NKD1: variants seen among roughly 807,000 people sequenced by gnomAD.
NKD1 encodes NKD inhibitor of Wnt signaling pathway 1, also known as protein naked cuticle homolog 1.
Under a neutral mutation model 56.0 loss-of-function variants are expected in NKD1, and 21 were observed. The ratio of observed to expected loss-of-function variants is 0.38; its 90% confidence interval spans 0.27 to 0.54. The LOEUF is 0.54. Among genes scored for constraint, NKD1 ranks in the 20% least tolerant of loss-of-function variants. NKD1 has a pLI of 0.82. For missense variants in NKD1, 578 were observed against 642.7 expected, an observed-to-expected ratio of 0.90 and a Z score of 1.09; for synonymous variants, 263 against 265.7, an observed-to-expected ratio of 0.99 and a Z score of 0.10.
chr16:50,571,420 G>A (rs1232644487), intron 3 of NKD1: 8 of 915,032 alleles, frequency 8.7e-6, no homozygotes, highest in Non-Finnish European at 7.8e-6. Flanking sequence ...TAGGGACCTT[G>A]GGAGTTTCAA....
At chr16:50,569,005 C>T (rs541384503) in intron 3 of NKD1, among the ~76,000 whole-genome samples, 8 of 152,302 alleles carry the variant, frequency 5.3e-5, no homozygotes, top group East Asian at 1.9e-4. Context: ...CTTCTCTTCC[C>T]CACCTTCCCT....
At chr16:50,618,170 T>A (rs1299982246) in intron 4 of NKD1, among the ~76,000 whole-genome samples, 6 of 152,182 alleles carry the variant, frequency 3.9e-5, no homozygotes, top group Non-Finnish European at 7.3e-5. Context: ...CCTGCTTTCC[T>A]TTTTTCTTCC....
At chr16:50,606,634 T>C (rs1361001435) in intron 3 of NKD1, 4 of 389,122 alleles carry the variant, frequency 1.0e-5, no homozygotes, top group African/African-American at 2.1e-5. Context: ...GTCTGGAGTC[T>C]TTAAACTCTT....
rs772385993 is a variant in NKD1, at chr16:50,633,158, G to A, written c.824-34G>A. 1.3e-6 allele frequency: 2 copies of A among 1,564,810 alleles called. No homozygotes were observed. Among genetic ancestry groups the A allele is most frequent in the Non-Finnish European group, 1.7e-6 (2 of 1,151,052 alleles). On this transcript the variant is annotated intron_variant, in intron 9 of 9. Coordinates refer to ENST00000268459, the MANE Select transcript of NKD1 (RefSeq NM_033119.5). The surrounding 1 kb of genome is among the most constrained non-coding windows in gnomAD (Gnocchi z 4.9). ...TAGCGCAAGCCCCAGCACACAGTAG[G>A]TGCTCATTAAATGTCTGTTGAATTG...
At chr16:50,600,730 C>T (rs918905314) in intron 3 of NKD1, among the ~76,000 whole-genome samples, 2 of 152,082 alleles carry the variant, frequency 1.3e-5, no homozygotes, top group East Asian at 1.9e-4. Flanking sequence ...TTGGGCAACC[C>T]GTCTCTAGGG....
chr16:50,633,494 C>G lies in NKD1; in HGVS notation c.1126C>G (p.Pro376Ala). 6.2e-7 allele frequency: 1 copy of G among 1,610,390 alleles called. No homozygotes were observed. Among genetic ancestry groups the G allele is most frequent in the Non-Finnish European group, 8.5e-7 (1 of 1,178,622 alleles). Reference protein sequence around the residue: ...RNKPPLGPAIPAVSPSAHLAA... With the variant: ...RNKPPLGPAIAAVSPSAHLAA... Reference sequence around the variant, plus strand: ...CAAGCCCCCTCTGGGACCCGCCATCCCTGCGGTGTCCCCCTCCGCCCACCT... The same window carrying G: ...CAAGCCCCCTCTGGGACCCGCCATCGCTGCGGTGTCCCCCTCCGCCCACCT... The change falls in exon 10 of 10, where the codon CCT becomes GCT. Residue 376 changes from proline to alanine, a missense_variant. Physicochemically the swap from Pro to Ala is conservative, Grantham distance 27. Transcript: ENST00000268459. The surrounding 1 kb of genome is among the most constrained non-coding windows in gnomAD (Gnocchi z 4.9).
At position 50,635,197 on chromosome 16, in the gene NKD1, G is replaced by A. The variant is rs1183881027; in HGVS notation, c.*1416G>A. On this transcript the variant is annotated 3_prime_UTR_variant, in exon 10 of 10. Coordinates refer to ENST00000268459, the MANE Select transcript of NKD1 (RefSeq NM_033119.5). This position sits in a 1 kb window ranked among gnomAD's most constrained non-coding sequence, Gnocchi z 4.1. ...AGTGGGGAAGGAGTTATCTTTAGCA[G>A]ACAGAGGATTGCTGGAGGAGTGAGA... 1 of 152,368 alleles carries A rather than the reference G, an allele frequency of 6.6e-6. No individual in the cohort carries two copies. Among genetic ancestry groups the A allele is most frequent in the Non-Finnish European group, 1.5e-5 (1 of 68,146 alleles). 9.4% of individuals were successfully genotyped at this position (152,368 alleles called of 1,614,324 possible).
intron 6 of NKD1, among the ~76,000 whole-genome samples, chr16:50,628,219 GAT>G (rs1268844024): frequency 6.6e-6 from 1 of 152,228 alleles, no homozygotes; most frequent in Non-Finnish European, 1.5e-5. Flanking sequence ...TTTAACAGAA[GAT>G]CCTGGATTTC....
chr16:50,620,501 G>A (rs1962061930), intron 4 of NKD1, among the ~76,000 whole-genome samples: 1 of 152,214 alleles, frequency 6.6e-6, no homozygotes, highest in Admixed American at 6.5e-5. Flanking sequence ...GGGTCAGGGT[G>A]GAGGGGCCAG....
chr16:50,574,481 A>G (rs1960949474), intron 3 of NKD1: 1 of 985,118 alleles, frequency 1.0e-6, no homozygotes, highest in African/African-American at 1.8e-5. Context: ...TTGTTTTTGG[A>G]AACTCTCCAT....
At position 50,637,114 on chromosome 16, in the gene NKD1, A is replaced by C. The variant is rs1455507189; in HGVS notation, c.*3333A>C. The C allele has an allele frequency of 1.3e-5, 2 of 152,046 alleles. No homozygotes were observed. Among genetic ancestry groups the C allele is most frequent in the Non-Finnish European group, 2.9e-5 (2 of 68,020 alleles). The allele number at this position is 152,046 out of a possible 1,614,324, so 9.4% of individuals were successfully genotyped here. A position where few individuals can be genotyped will look rare whatever the true frequency, so the allele number is the denominator to read the frequency against. On this transcript the variant is annotated 3_prime_UTR_variant, in exon 10 of 10. Coordinates refer to ENST00000268459, the MANE Select transcript of NKD1 (RefSeq NM_033119.5). The stretch of plus-strand genomic sequence containing the variant: ...CTGGTGGTCATAAGGGTCATCTCTC[A>C]TCCCAGGCTCTGGCGAACACTGTGC...
chr16:50,619,534 C>T (rs1962039857), intron 4 of NKD1, among the ~76,000 whole-genome samples: 1 of 152,120 alleles, frequency 6.6e-6, no homozygotes, highest in African/African-American at 2.4e-5. Flanking sequence ...TAATATAATG[C>T]TTTTGTGTCC....
Position 50,632,409 on chromosome 16 carries a change from G to A in NKD1, c.823+1G>A. 1 of 1,614,144 alleles carries A rather than the reference G, an allele frequency of 6.2e-7. No homozygotes were observed. The highest frequency in any genetic ancestry group is 8.5e-7 in the Non-Finnish European group (1 of 1,179,982). ...AACTACACGTCCCAATTTGGGCCTG[G>A]TAAGGGACTCAAGCACCCTGCAATG... On this transcript the variant is annotated splice_donor_variant, in intron 9 of 9. Coordinates refer to ENST00000268459, the MANE Select transcript of NKD1 (RefSeq NM_033119.5). LOFTEE classifies it high-confidence loss of function. The surrounding 1 kb of genome is among the most constrained non-coding windows in gnomAD (Gnocchi z 4.1).
rs1313255932 is a variant in NKD1 at position 50,598,256 on chromosome 16, T to TGCGCGCGC, written c.193-10037_193-10036insCGCGCGCG. Among the ~76,000 whole-genome samples the TGCGCGCGC allele has an allele frequency of 2.1e-5, 3 of 144,100 alleles. No homozygotes were observed. Among genetic ancestry groups the TGCGCGCGC allele is most frequent in the African/African-American group, 8.1e-5 (3 of 37,186 alleles). The allele number at this position is 144,100 out of a possible 152,430, so 94.5% of individuals were successfully genotyped here. On this transcript the variant is annotated intron_variant, in intron 3 of 9. Transcript: ENST00000268459. This position sits in a 1 kb window ranked among gnomAD's most constrained non-coding sequence, Gnocchi z 4.2. Reference sequence around the variant, plus strand: ...GTGTGTGTGTGTGTGTGTGTGTGTGTGTGTGTGCGCGCACACCTGTGCTCA... The same window carrying TGCGCGCGC: ...GTGTGTGTGTGTGTGTGTGTGTGTGTGCGCGCGCGTGTGTGCGCGCACACCTGTGCTCA...
At position 50,636,489 on chromosome 16, in the gene NKD1, TGCCGACTTTCTGGGTGTG is replaced by T. The variant is rs1962470551; in HGVS notation, c.*2712_*2729del. 6.6e-6 allele frequency: 1 copy of T among 152,266 alleles called. No homozygotes were observed. The highest frequency in any genetic ancestry group is 6.5e-5 in the Admixed American group (1 of 15,290). The allele number at this position is 152,266 out of a possible 1,614,324, so 9.4% of individuals were successfully genotyped here. On this transcript the variant is annotated 3_prime_UTR_variant, in exon 10 of 10. Coordinates refer to ENST00000268459, the MANE Select transcript of NKD1 (RefSeq NM_033119.5). Reference sequence around the variant, plus strand: ...ATCCCAGGCCTGCCAGCATCCCTGATGCCGACTTTCTGGGTGTGGCCTAGGGCCCCTCAGTGTAATGTA... The same window carrying T: ...ATCCCAGGCCTGCCAGCATCCCTGATGCCTAGGGCCCCTCAGTGTAATGTA...
chr16:50,629,369 T>A (rs1962293288), intron 6 of NKD1, among the ~76,000 whole-genome samples: 1 of 152,228 alleles, frequency 6.6e-6, no homozygotes, highest in Admixed American at 6.5e-5. Context: ...GGGTTAGGGC[T>A]TCAACCTGTG....
chr16:50,625,123 GGCTCCCAAATTGCC>G (rs1390374351), intron 5 of NKD1: 19 of 320,446 alleles, frequency 5.9e-5, no homozygotes, highest in Non-Finnish European at 6.0e-6. Context: ...ATCCTCCTGG[GGCTCCCAAATTGCC>G]GCTCCTTTGC....
At chr16:50,604,064 A>G (rs1312571768) in intron 3 of NKD1, among the ~76,000 whole-genome samples, 3 of 152,208 alleles carry the variant, frequency 2.0e-5, no homozygotes, top group Admixed American at 2.0e-4. Flanking sequence ...ACTGTCCTGG[A>G]GGCCAGAGGG....
chr16:50,566,163 G>A (rs1377369409), intron 3 of NKD1: 18 of 985,254 alleles, frequency 1.8e-5, no homozygotes, highest in Admixed American at 6.1e-5. Flanking sequence ...CTGTGGATCC[G>A]TTGGGACCTT....
Sources: allele counts gnomAD v4.1 joint callset (sites outside exome capture counted in the v4.1 genomes callset), GRCh38; gene constraint gnomAD v4.1.1; non-coding constraint Gnocchi (gnomAD v3.1); transcripts MANE v1.5; gene names NCBI Gene and HGNC (gene_info 2026-07-23, HGNC 2026-07-21).